Variants in SHLD2 observed in about 807,000 individuals in gnomAD.
SHLD2 encodes the protein RINN1-REV7-interacting novel NHEJ regulator 2.
SHLD2 carries 30 observed loss-of-function variants against 73.2 expected under a neutral mutation model. The observed-to-expected ratio is 0.41, with a 90% CI of 0.31 to 0.56. The LOEUF is 0.56. SHLD2 is among the 20% of genes least tolerant of loss of function. The probability of loss-of-function intolerance (pLI) is 0.28; values close to 1 mark genes in which losing one functional copy is unlikely to be tolerated. For synonymous variants in SHLD2, 285 were observed against 370.1 expected, an observed-to-expected ratio of 0.77 and a Z score of 2.64; for missense variants, 745 against 1,055.9, an observed-to-expected ratio of 0.71 and a Z score of 4.08.
intron 3 of SHLD2, among the ~76,000 whole-genome samples, chr10:87,155,086 C>T (rs1002550355): frequency 1.3e-5 from 2 of 152,128 alleles, no homozygotes; most frequent in East Asian, 1.9e-4. Flanking sequence ...AGGCGCCTGC[C>T]ACCGCGCGCG....
chr10:87,156,737 C>CT (rs955653056), intron 3 of SHLD2, among the ~76,000 whole-genome samples: 4 of 152,118 alleles, frequency 2.6e-5, no homozygotes, highest in Non-Finnish European at 5.9e-5. Flanking sequence ...TCGTCTGTTC[C>CT]TTTTTTCTGA....
At chr10:87,124,746 G>GTTTTT (rs201784628) in intron 2 of SHLD2, among the ~76,000 whole-genome samples, 2 of 129,500 alleles carry the variant, frequency 1.5e-5, no homozygotes, top group Non-Finnish European at 3.3e-5. Context: ...TAAAAAAATT[G>GTTTTT]TTTTTTTTTT....
intron 6 of SHLD2, among the ~76,000 whole-genome samples, chr10:87,172,869 C>CT (rs1256191060): frequency 6.6e-6 from 1 of 151,870 alleles, no homozygotes; most frequent in African/African-American, 2.4e-5. Context: ...TAGCAAAATG[C>CT]TAGCAGTGGT....
intron 1 of SHLD2, among the ~76,000 whole-genome samples, chr10:87,095,804 G>T (rs1327716556): frequency 6.6e-6 from 1 of 152,174 alleles, no homozygotes; most frequent in Non-Finnish European, 1.5e-5. Context: ...GGTGGCTCAC[G>T]CCTTTAGTCC....
chr10:87,096,873 A>G (rs893629045), intron 1 of SHLD2, 61 bp from the exon 2 acceptor site: 2 of 152,148 alleles, frequency 1.3e-5, no homozygotes, highest in Non-Finnish European at 2.9e-5. Context: ...TGGAACTTAT[A>G]TTTTACCTTA....
chr10:87,117,906 T>A (rs562963348), intron 2 of SHLD2, among the ~76,000 whole-genome samples: 216 of 152,358 alleles, frequency 1.4e-3, no homozygotes, highest in Non-Finnish European at 2.4e-3. Flanking sequence ...CGAGGGATAT[T>A]CTATGAAAAA....
intron 2 of SHLD2, among the ~76,000 whole-genome samples, chr10:87,118,134 T>TA (rs2134053164): frequency 6.6e-6 from 1 of 152,350 alleles, no homozygotes; most frequent in East Asian, 1.9e-4. Context: ...GTTACACTGC[T>TA]AAGCTAGAAT....
At chr10:87,126,848 G>C (rs2134120337) in intron 2 of SHLD2, among the ~76,000 whole-genome samples, 1 of 152,354 alleles carries the variant, frequency 6.6e-6, no homozygotes, top group South Asian at 2.1e-4. Flanking sequence ...GGTTTGAACA[G>C]TGCTATATAT....
At chr10:87,179,466 AT>A (rs1589659654) in intron 7 of SHLD2, among the ~76,000 whole-genome samples, 2 of 149,992 alleles carry the variant, frequency 1.3e-5, no homozygotes, top group African/African-American at 4.9e-5. Flanking sequence ...CAGTGGTGCG[AT>A]CTCGGCTCAC....
intron 9 of SHLD2, among the ~76,000 whole-genome samples, chr10:87,188,487 T>C (rs1848775165): frequency 6.6e-6 from 1 of 152,144 alleles, no homozygotes; most frequent in Non-Finnish European, 1.5e-5. Flanking sequence ...TGTTTTGTAG[T>C]TGGAAGCTTT....
intron 2 of SHLD2, among the ~76,000 whole-genome samples, chr10:87,103,558 CA>C (rs1489153102): frequency 6.6e-5 from 10 of 152,184 alleles, no homozygotes; most frequent in Admixed American, 1.3e-4. Flanking sequence ...ACTTTTGTGC[CA>C]AAGTTTTCAG....
chr10:87,094,754 C>T (rs1196090592), upstream of SHLD2: 2 of 1,537,918 alleles, frequency 1.3e-6, no homozygotes, highest in South Asian at 2.3e-5. The surrounding 1 kb of genome is among the most constrained non-coding windows in gnomAD (Gnocchi z 6.6). Flanking sequence ...AGCGCTTCGC[C>T]CAGGTAGCGG....
chr10:87,155,480 T>G (rs1383688108), intron 3 of SHLD2, among the ~76,000 whole-genome samples: 3 of 152,158 alleles, frequency 2.0e-5, no homozygotes, highest in Admixed American at 1.3e-4. Context: ...TTTTGGGCAA[T>G]TAATGCCTCA....
At chr10:87,116,307 G>C (rs1413769046) in intron 2 of SHLD2, among the ~76,000 whole-genome samples, 7 of 151,284 alleles carry the variant, frequency 4.6e-5, no homozygotes, top group Non-Finnish European at 1.0e-4. Context: ...GCTGTGTTTA[G>C]ATGAGAGAGA....
intron 2 of SHLD2, among the ~76,000 whole-genome samples, chr10:87,136,476 TGGG>T (rs1564591296): frequency 1.3e-5 from 2 of 151,548 alleles, no homozygotes. Context: ...ATGTTGCTAC[TGGG>T]GTGTTGTTGC....
intron 7 of SHLD2, among the ~76,000 whole-genome samples, chr10:87,178,407 A>G (rs1419018576): frequency 6.6e-6 from 1 of 151,644 alleles, no homozygotes; most frequent in Admixed American, 6.6e-5. Context: ...TAAAAATCGA[A>G]ATTTTTTTTT....
At chr10:87,153,414 C>T (rs1288849549) in intron 3 of SHLD2, among the ~76,000 whole-genome samples, 1 of 152,164 alleles carries the variant, frequency 6.6e-6, no homozygotes, top group Non-Finnish European at 1.5e-5. Flanking sequence ...GCTTCTTTAC[C>T]TAATGTCTAA....
intron 6 of SHLD2, among the ~76,000 whole-genome samples, chr10:87,173,164 A>C (rs1261218897): frequency 6.6e-6 from 1 of 151,526 alleles, no homozygotes; most frequent in African/African-American, 2.4e-5. Context: ...AGTAAGTGGA[A>C]TTACAGGCAT....
chr10:87,116,730 A>G (rs1843280649), intron 2 of SHLD2, among the ~76,000 whole-genome samples: 1 of 152,120 alleles, frequency 6.6e-6, no homozygotes, highest in Non-Finnish European at 1.5e-5. Flanking sequence ...TGGATTTTTC[A>G]CGGCTGTGGT....
Sources: gnomAD v4.1 joint callset for allele counts (sites outside exome capture counted in the v4.1 genomes callset) on GRCh38, gnomAD v4.1.1 for gene constraint, Gnocchi (gnomAD v3.1) non-coding constraint, MANE v1.5 for transcripts, NCBI Gene and HGNC (gene_info 2026-07-23, HGNC 2026-07-21) for gene names.